The following SETDB1 variants were observed in gnomAD, a reference collection of about 807,000 sequenced individuals.
SETDB1 encodes histone-lysine N-methyltransferase SETDB1.
A neutral mutation model predicts 137.4 loss-of-function variants in SETDB1; 31 were observed. That is an observed-to-expected ratio of 0.23 (90% CI 0.17 to 0.30). The LOEUF (loss-of-function observed/expected upper bound fraction) is 0.30, where lower values mean the gene tolerates loss of function less well. SETDB1 is among the 10% of genes least tolerant of loss of function. The pLI, the probability that SETDB1 is intolerant of heterozygous loss-of-function variation, is 1.00. For synonymous variants in SETDB1, 548 were observed against 579.9 expected, an observed-to-expected ratio of 0.95 and a Z score of 0.79; for missense variants, 1,113 against 1,631.5, an observed-to-expected ratio of 0.68 and a Z score of 5.47.
intron 18 of SETDB1, 67 bp downstream of exon 18, chr1:150,962,786 C>G: frequency 6.4e-7 from 1 of 1,552,890 alleles, no homozygotes; most frequent in Non-Finnish European, 8.9e-7. Context: ...TCATCAAGTC[C>G]TTCACTATAA....
intron 3 of SETDB1, among the ~76,000 whole-genome samples, chr1:150,936,745 G>A (rs1437097863): frequency 6.6e-6 from 1 of 151,978 alleles, no homozygotes; most frequent in Non-Finnish European, 1.5e-5. Flanking sequence ...GAGCACAGTA[G>A]TGCTATCATA....
intron 14 of SETDB1, among the ~76,000 whole-genome samples, chr1:150,954,893 G>T (rs11204748): frequency 0.44 from 66,630 of 152,006 alleles, 15,266 homozygotes; most frequent in African/African-American, 0.55. Context: ...GGCAGGAAAG[G>T]GGAAGACAGG....
intron 4 of SETDB1, 142 bp downstream of exon 4, chr1:150,940,116 T>A: frequency 1.8e-6 from 1 of 542,572 alleles, no homozygotes; most frequent in East Asian, 2.9e-5. Context: ...GTCCTCTGAT[T>A]GATGCTGTAA....
At chr1:150,939,251 ATTTT>A (rs71580343) in intron 3 of SETDB1, among the ~76,000 whole-genome samples, 1 of 107,186 alleles carries the variant, frequency 9.3e-6, no homozygotes, top group African/African-American at 3.5e-5. Context: ...TGCACCCAGC[ATTTT>A]TTTTTTTTTT....
chr1:150,963,792 G>C, intron 20 of SETDB1, 51 bp downstream of exon 20: 1 of 1,567,942 alleles, frequency 6.4e-7, no homozygotes, highest in Non-Finnish European at 8.8e-7. Flanking sequence ...ATGGTCCTCA[G>C]ATTTCTTTTA....
chr1:150,949,471 C>T lies in SETDB1; in HGVS notation c.1529C>T (p.Pro510Leu). Residue 510 changes from proline (P) to leucine (L), a missense_variant, in exon 12 of 22, where the codon CCT becomes CTT. By Grantham distance (98) the Pro-to-Leu change is moderately conservative. Around this residue, in one of 11 missense-constraint regions of SETDB1, gnomAD observed 192 missense variants for 198.1 expected, o/e 0.97. Coordinates refer to ENST00000692827, the MANE Select transcript of SETDB1 (RefSeq NM_001366418.1). ...VGSGHSSPTS[P>L]ALSENVSGGK... ...TCTGGTCATTCCTCCCCTACATCTC[C>T]TGCACTCAGTGAAAATGTCTCTGGT... 1.2e-6 allele frequency: 2 copies of T among 1,614,138 alleles called. No individual in the cohort carries two copies.
At chr1:150,928,328 C>T (rs1669605197) in intron 2 of SETDB1, 1 of 207,016 alleles carries the variant, frequency 4.8e-6, no homozygotes, top group South Asian at 8.1e-5. Context: ...CTTACTCTTC[C>T]TCAAAGTTTA....
intron 9 of SETDB1, among the ~76,000 whole-genome samples, chr1:150,945,950 C>G (rs1027642462): frequency 6.6e-6 from 1 of 152,154 alleles, no homozygotes; most frequent in East Asian, 1.9e-4. Context: ...GATCCACCTG[C>G]CTTGTCCTCC....
Position 150,961,100 on chromosome 1 carries a change from G to A in SETDB1, c.3041G>A (p.Arg1014Gln), listed in dbSNP as rs764113263. The A allele has an allele frequency of 5.6e-6, 9 of 1,613,778 alleles. No individual in the cohort carries two copies. The highest frequency in any genetic ancestry group is 2.2e-5 in the East Asian group (1 of 44,872). Residue 1014 changes from arginine (R) to glutamine (Q), a missense_variant, in exon 16 of 22, where the codon CGG becomes CAG. This residue lies in a region of SETDB1 where 373 missense variants were observed against 412.7 expected (regional missense o/e 0.90). Transcript: ENST00000692827. ...AAGACTAATGAAGGTGGGGAGGGCC[G>A]GGCTGGGGGAAGCCGAATGGAGGCT... The part of the protein sequence containing the change: ...SFKTNEGGEG[R>Q]AGGSRMEAEK...
Position 150,960,785 on chromosome 1 carries a change from A to G in SETDB1, c.2726A>G (p.Asp909Gly), listed in dbSNP as rs1395015731. The G allele has an allele frequency of 1.2e-6, 2 of 1,610,180 alleles. No individual in the cohort carries two copies. Among genetic ancestry groups the G allele is most frequent in the Admixed American group, 3.4e-5 (2 of 59,600 alleles). ...PEESNDDSSD[D>G]NFCKDEDFST... ...GAGTCCAATGATGATAGCTCAGATGATAACTTCTGTAAGGATGAGGACTTC... is the reference window on the plus strand; with the variant it reads ...GAGTCCAATGATGATAGCTCAGATGGTAACTTCTGTAAGGATGAGGACTTC... Residue 909 changes from aspartate to glycine, a missense_variant, in exon 16 of 22, where the codon GAT becomes GGT. By Grantham distance (94) the Asp-to-Gly change is moderately conservative (BLOSUM62 -1). Transcript: ENST00000692827.
At chr1:150,962,090 G>A (rs2102753143) in intron 16 of SETDB1, 40 bp from the exon 17 acceptor site, 1 of 1,613,296 alleles carries the variant, frequency 6.2e-7, no homozygotes, top group East Asian at 2.2e-5. Flanking sequence ...TGTTACCCGA[G>A]GCTGTGAAAG....
At chr1:150,933,227 C>CA (rs1553238714) in intron 3 of SETDB1, among the ~76,000 whole-genome samples, 1 of 148,060 alleles carries the variant, frequency 6.8e-6, no homozygotes, top group Non-Finnish European at 1.5e-5. Context: ...GCCCAGCTAA[C>CA]TTTTTTTTTT....
At chr1:150,945,967 G>T (rs1352090021) in intron 9 of SETDB1, among the ~76,000 whole-genome samples, 2 of 151,974 alleles carry the variant, frequency 1.3e-5, no homozygotes, top group Non-Finnish European at 2.9e-5. Context: ...CTCCCAAAGT[G>T]CTGGGATTAC....
At chr1:150,939,898 G>T in intron 3 of SETDB1, 42 bp from the exon 4 acceptor site, 1 of 1,524,308 alleles carries the variant, frequency 6.6e-7, no homozygotes, top group Admixed American at 1.8e-5. Flanking sequence ...AAGTTCCTCT[G>T]TGTAAGTCTC....
In SETDB1 at chr1:150,959,367, G is replaced by C. The variant is rs766971176; in HGVS notation, c.2503+20G>C. On this transcript the variant is annotated intron_variant, in intron 15 of 21. Coordinates refer to ENST00000692827, the MANE Select transcript of SETDB1 (RefSeq NM_001366418.1). ...ATGCAGGTTGGTGATAAAATATAAG[G>C]GTTGTTTCCTGAGACTGGGACATGG... is the stretch of plus-strand genomic sequence containing the variant. 33 of 1,589,242 alleles carry C rather than the reference G, an allele frequency of 2.1e-5. No individual in the cohort carries two copies. The highest frequency in any genetic ancestry group is 1.0e-4 in the South Asian group (9 of 86,796).
intron 1 of SETDB1, chr1:150,926,896 A>G: frequency 1.9e-6 from 1 of 516,726 alleles, no homozygotes; most frequent in South Asian, 1.4e-5. Context: ...TTTGAATATC[A>G]TAGACTTTTT....
rs149625793 is a variant in SETDB1 at position 150,961,608 on chromosome 1, C to T, written c.3132+417C>T. The T allele has an allele frequency of 4.0e-3, 770 of 193,690 alleles. 12 individuals are homozygous for T. The highest frequency in any genetic ancestry group is 0.017 in the African/African-American group (720 of 41,848). The allele number at this position is 193,690 out of a possible 1,614,324, so 12.0% of individuals were successfully genotyped here. A position where few individuals can be genotyped will look rare whatever the true frequency, so the allele number is the denominator to read the frequency against. On this transcript the variant is annotated intron_variant, in intron 16 of 21. Coordinates refer to ENST00000692827, the MANE Select transcript of SETDB1 (RefSeq NM_001366418.1). ...GGGTGGAGGTGCAGTGAGCCGAGATCGCACCACTGCACTCCAGCCTGGGTG... is the reference window on the plus strand; with the variant it reads ...GGGTGGAGGTGCAGTGAGCCGAGATTGCACCACTGCACTCCAGCCTGGGTG...
intron 9 of SETDB1, among the ~76,000 whole-genome samples, chr1:150,946,384 A>G (rs923624962): frequency 7.3e-5 from 11 of 151,650 alleles, no homozygotes; most frequent in African/African-American, 2.7e-4. Context: ...AGGAGTATAT[A>G]TTTTTCATTG....
At chr1:150,928,462 A>T (rs968189359) in intron 2 of SETDB1, among the ~76,000 whole-genome samples, 17 of 152,134 alleles carry the variant, frequency 1.1e-4, no homozygotes, top group Admixed American at 8.5e-4. Flanking sequence ...CCTGTGCTCT[A>T]TCTTAGAACA....
Sources: allele counts gnomAD v4.1 joint callset (sites outside exome capture counted in the v4.1 genomes callset), GRCh38; gene constraint gnomAD v4.1.1; regional missense constraint gnomAD v4.1.1; transcripts MANE v1.5; gene names NCBI Gene and HGNC (gene_info 2026-07-23, HGNC 2026-07-21).